The following PLEKHA7 variants were observed in gnomAD, a reference collection of about 807,000 sequenced individuals.
PLEKHA7 encodes the protein pleckstrin homology domain-containing family A member 7.
In PLEKHA7, 104 loss-of-function variants were observed where a neutral mutation model predicts 170.0. The observed-to-expected ratio is 0.61, with a 90% CI of 0.52 to 0.72. PLEKHA7 has a LOEUF of 0.72. PLEKHA7 is among the 30% of genes least tolerant of loss of function. The probability of loss-of-function intolerance (pLI) is 0.00; values close to 1 mark genes in which losing one functional copy is unlikely to be tolerated. For synonymous variants in PLEKHA7, 648 were observed against 660.8 expected, an observed-to-expected ratio of 0.98 and a Z score of 0.30; for missense variants, 1,615 against 1,671.7, an observed-to-expected ratio of 0.97 and a Z score of 0.59.
Position 16,789,745 on chromosome 11 carries a change from G to A in PLEKHA7, c.3156+30C>T, listed in dbSNP as rs1564908840. The A allele has an allele frequency of 1.3e-6, 2 of 1,570,286 alleles. No homozygotes were observed. Among genetic ancestry groups the A allele is most frequent in the Non-Finnish European group, 1.8e-6 (2 of 1,141,518 alleles). ...CCTCCCTCCCCATGTGAAGGAGCAGGGAGGTCCTCGACAGCTCAAGGCCAC... is the reference window on the plus strand; with the variant it reads ...CCTCCCTCCCCATGTGAAGGAGCAGAGAGGTCCTCGACAGCTCAAGGCCAC... On this transcript the variant is annotated intron_variant, in intron 22 of 26. Transcript: ENST00000531066. The surrounding 1 kb of genome is among the most constrained non-coding windows in gnomAD (Gnocchi z 4.6).
At chr11:17,001,993 A>C (rs891840339) in intron 3 of PLEKHA7, among the ~76,000 whole-genome samples, 6 of 152,208 alleles carry the variant, frequency 3.9e-5, no homozygotes, top group Non-Finnish European at 7.3e-5. Flanking sequence ...CAGGCTTAAG[A>C]AGCTCATAGG....
chr11:16,990,461 C>T (rs1296576035), intron 3 of PLEKHA7, among the ~76,000 whole-genome samples: 1 of 152,086 alleles, frequency 6.6e-6, no homozygotes, highest in Non-Finnish European at 1.5e-5. Flanking sequence ...ACAGGAATAC[C>T]ACCGGTCCTT....
intron 3 of PLEKHA7, among the ~76,000 whole-genome samples, chr11:16,904,430 T>C (rs1857525679): frequency 6.6e-6 from 1 of 152,204 alleles, no homozygotes; most frequent in Non-Finnish European, 1.5e-5. Context: ...TGAAACATTG[T>C]ACAGCCATTA....
At chr11:16,957,689 A>ATATTTTTTTTTTTTTTTTT (rs1420004461) in intron 3 of PLEKHA7, among the ~76,000 whole-genome samples, 1 of 118,226 alleles carries the variant, frequency 8.5e-6, no homozygotes, top group Non-Finnish European at 1.8e-5. Flanking sequence ...TACCTCAATA[A>ATATTTTTTTTTTTTTTTTT]TTTTTTTCTT....
At chr11:16,917,262 T>C (rs1858756142) in intron 3 of PLEKHA7, among the ~76,000 whole-genome samples, 1 of 152,150 alleles carries the variant, frequency 6.6e-6, no homozygotes, top group South Asian at 2.1e-4. Flanking sequence ...TTGCCTGTCT[T>C]CCCCACTAGA....
At chr11:16,822,025 C>G (rs1335613554) in intron 10 of PLEKHA7, among the ~76,000 whole-genome samples, 1 of 150,136 alleles carries the variant, frequency 6.7e-6, no homozygotes, top group Admixed American at 6.7e-5. Context: ...CAGGGAAAGT[C>G]CTATGCCCTC....
At chr11:16,875,037 A>G (rs1855168948) in intron 3 of PLEKHA7, among the ~76,000 whole-genome samples, 2 of 152,226 alleles carry the variant, frequency 1.3e-5, no homozygotes, top group African/African-American at 4.8e-5. Flanking sequence ...TAACATTAGA[A>G]GAAAGGTAAT....
chr11:16,821,751 G>A (rs1184807326), intron 10 of PLEKHA7, among the ~76,000 whole-genome samples: 3 of 152,160 alleles, frequency 2.0e-5, no homozygotes, highest in Non-Finnish European at 4.4e-5. Flanking sequence ...ATAAGAGGCA[G>A]ACCTTTTAAA....
At chr11:16,783,964 A>G in intron 24 of PLEKHA7, 131 bp from the exon 25 acceptor site, 1 of 1,000,472 alleles carries the variant, frequency 1.0e-6, no homozygotes. Flanking sequence ...ACTTGCTAAG[A>G]TCACAAAATT....
intron 17 of PLEKHA7, among the ~76,000 whole-genome samples, chr11:16,798,027 C>T (rs923927708): frequency 6.6e-6 from 1 of 152,236 alleles, no homozygotes; most frequent in South Asian, 2.1e-4. Context: ...CCTCCTCCCA[C>T]CACACTGGGT....
chr11:17,007,109 G>C (rs1397952139), intron 3 of PLEKHA7, among the ~76,000 whole-genome samples: 1 of 152,204 alleles, frequency 6.6e-6, no homozygotes, highest in East Asian at 1.9e-4. Context: ...TGGGCTCCCT[G>C]CTCCTCCCTG....
chr11:16,988,841 C>T (rs1484288428), intron 3 of PLEKHA7, among the ~76,000 whole-genome samples: 1 of 152,202 alleles, frequency 6.6e-6, no homozygotes, highest in Non-Finnish European at 1.5e-5. Flanking sequence ...AACCTTTCTC[C>T]CTGTAGCTTT....
chr11:16,783,916 C>T, intron 24 of PLEKHA7, 83 bp from the exon 25 acceptor site: 1 of 1,274,332 alleles, frequency 7.8e-7, no homozygotes, highest in East Asian at 3.1e-5. Flanking sequence ...TGTCCCCTCC[C>T]ACCATGGGAA....
intron 8 of PLEKHA7, chr11:16,842,236 C>T (rs1809185123): frequency 1.3e-5 from 2 of 152,802 alleles, no homozygotes; most frequent in East Asian, 1.9e-4. Flanking sequence ...TTCTGTCTCT[C>T]CAAAAGAGGC....
At position 16,990,286 on chromosome 11, in the gene PLEKHA7, A is replaced by AAAAAAAAAAAAAAAAC. The variant is rs1565185991; in HGVS notation, c.221+23702_221+23703insGTTTTTTTTTTTTTTT. 1.4e-4 allele frequency among the ~76,000 whole-genome samples: 15 copies of AAAAAAAAAAAAAAAAC among 108,254 alleles called. 1 individual carries two copies. The highest frequency in any genetic ancestry group is 3.0e-4 in the African/African-American group (8 of 26,634). The allele number at this position is 108,254 out of a possible 152,430, so 71.0% of individuals were successfully genotyped here. A position where few individuals can be genotyped will look rare whatever the true frequency, so the allele number is the denominator to read the frequency against. ...AAGACCCTGTCTCAAAAAAAAAAAAAAAAAAAAAAAAAACTTCTCCCTGTT... is the reference window on the plus strand; with the variant it reads ...AAGACCCTGTCTCAAAAAAAAAAAAAAAAAAAAAAAAAAAACAAAAAAAAAAAAACTTCTCCCTGTT... On this transcript the variant is annotated intron_variant, in intron 3 of 26. Coordinates refer to ENST00000531066, the MANE Select transcript of PLEKHA7 (RefSeq NM_001329630.2).
intron 9 of PLEKHA7, among the ~76,000 whole-genome samples, chr11:16,827,978 C>T (rs1408548680): frequency 6.6e-6 from 1 of 150,810 alleles, no homozygotes; most frequent in East Asian, 1.9e-4. Context: ...TTTGCAACAA[C>T]TTCAGAACCT....
intron 3 of PLEKHA7, among the ~76,000 whole-genome samples, chr11:16,892,619 C>CTTTTTTTTTTTTTTTTTTT (rs10674972): frequency 4.9e-5 from 4 of 82,414 alleles, no homozygotes; most frequent in Admixed American, 1.6e-4. Flanking sequence ...CTTCCAGCTT[C>CTTTTTTTTTTTTTTTTTTT]TTTTTTTTTT....
At position 16,806,862 on chromosome 11, in the gene PLEKHA7, G is replaced by T. The variant is rs117085409; in HGVS notation, c.2008-3567C>A. On this transcript the variant is annotated intron_variant, in intron 13 of 26. Transcript: ENST00000531066. ...GAGCCCTCGCCATGGAGGCAGACAC[G>T]TGATGATGGAAACACAACACAAGCT... 3.2e-3 allele frequency among the ~76,000 whole-genome samples: 483 copies of T among 152,298 alleles called. 2 individuals are homozygous for T. Among genetic ancestry groups the T allele is most frequent in the Non-Finnish European group, 5.3e-3 (361 of 68,024 alleles).
chr11:16,953,867 C>A (rs1344086859), intron 3 of PLEKHA7, among the ~76,000 whole-genome samples: 1 of 152,140 alleles, frequency 6.6e-6, no homozygotes, highest in Non-Finnish European at 1.5e-5. Flanking sequence ...TCACCTCTCC[C>A]TTAAGAAACT....
Sources: gnomAD v4.1 joint callset for allele counts (sites outside exome capture counted in the v4.1 genomes callset) on GRCh38, gnomAD v4.1.1 for gene constraint, Gnocchi (gnomAD v3.1) non-coding constraint, MANE v1.5 for transcripts, NCBI Gene and HGNC (gene_info 2026-07-23, HGNC 2026-07-21) for gene names.